The following NRXN1 variants were observed in gnomAD, a reference collection of about 807,000 sequenced individuals.
The protein encoded by NRXN1 is neurexin-1.
Under a neutral mutation model 150.9 loss-of-function variants are expected in NRXN1, and 39 were observed. That is an observed-to-expected ratio of 0.26 (90% CI 0.20 to 0.34). The LOEUF is 0.34. NRXN1 is among the 10% of genes least tolerant of loss of function. NRXN1 has a pLI of 1.00. For missense variants in NRXN1, 1,815 were observed against 1,949.9 expected, an observed-to-expected ratio of 0.93 and a Z score of 1.30; for synonymous variants, 924 against 757.0, an observed-to-expected ratio of 1.22 and a Z score of -3.62.
chr2:50,899,018 C>A (rs568657253), intron 5 of NRXN1, among the ~76,000 whole-genome samples: 21 of 152,158 alleles, frequency 1.4e-4, no homozygotes, highest in Non-Finnish European at 2.8e-4. Context: ...CTTCTGAATG[C>A]AGACACAGCT....
intron 5 of NRXN1, among the ~76,000 whole-genome samples, chr2:50,890,492 GA>G (rs1680888288): frequency 6.6e-6 from 1 of 151,626 alleles, no homozygotes; most frequent in Admixed American, 6.6e-5. Flanking sequence ...GTTTTACTTA[GA>G]TTTTTTTTAA....
intron 13 of NRXN1, among the ~76,000 whole-genome samples, chr2:50,501,568 T>C (rs1383826479): frequency 6.6e-6 from 1 of 152,110 alleles, no homozygotes; most frequent in Non-Finnish European, 1.5e-5. Flanking sequence ...AAGGGAATGA[T>C]GATGCCTGGC....
chr2:49,960,768 T>C (rs1251647196), intron 21 of NRXN1, among the ~76,000 whole-genome samples: 1 of 152,178 alleles, frequency 6.6e-6, no homozygotes, highest in Non-Finnish European at 1.5e-5. Context: ...TATCACATAT[T>C]ACTACCCCAG....
chr2:50,821,144 T>G (rs1171623906), intron 5 of NRXN1, among the ~76,000 whole-genome samples: 2 of 152,092 alleles, frequency 1.3e-5, no homozygotes, highest in Non-Finnish European at 2.9e-5. Flanking sequence ...TAATTAAGAA[T>G]ATGAAGAGTA....
At chr2:50,599,852 G>A (rs1378291205) in intron 8 of NRXN1, among the ~76,000 whole-genome samples, 6 of 152,242 alleles carry the variant, frequency 3.9e-5, no homozygotes, top group Non-Finnish European at 7.4e-5. Flanking sequence ...TACAAAGGGT[G>A]AATAATTGTT....
chr2:50,892,973 G>C (rs1304663978), intron 5 of NRXN1, among the ~76,000 whole-genome samples: 1 of 152,112 alleles, frequency 6.6e-6, no homozygotes, highest in African/African-American at 2.4e-5. Flanking sequence ...GTCAAGGGAG[G>C]GCAGGAAGAT....
chr2:50,237,891 T>C (rs1247701128), intron 17 of NRXN1, among the ~76,000 whole-genome samples: 1 of 152,014 alleles, frequency 6.6e-6, no homozygotes, highest in Non-Finnish European at 1.5e-5. Context: ...GGAGTGGCTT[T>C]GCCCATGCTG....
chr2:50,163,164 G>GTACATATA (rs1553695027), intron 18 of NRXN1, among the ~76,000 whole-genome samples: 1 of 141,754 alleles, frequency 7.1e-6, no homozygotes, highest in Non-Finnish European at 1.5e-5. Flanking sequence ...AATCCAAAAT[G>GTACATATA]TATATATATA....
chr2:50,061,411 A>G (rs1694513622), intron 19 of NRXN1, among the ~76,000 whole-genome samples: 1 of 152,228 alleles, frequency 6.6e-6, no homozygotes, highest in South Asian at 2.1e-4. Flanking sequence ...GTGAATGGTC[A>G]GTGTAAGCAG....
chr2:50,126,995 GA>G (rs1704682579), intron 18 of NRXN1, among the ~76,000 whole-genome samples: 1 of 152,130 alleles, frequency 6.6e-6, no homozygotes, highest in Non-Finnish European at 1.5e-5. Context: ...GAGAGTCACT[GA>G]ACAAGTTATA....
intron 15 of NRXN1, 84 bp from the exon 16 acceptor site, chr2:50,472,555 GTTTA>G (rs1215961985): frequency 4.7e-6 from 5 of 1,062,076 alleles, no homozygotes; most frequent in Non-Finnish European, 6.7e-6. Context: ...AAACAGGGAG[GTTTA>G]TTTTTCATTA....
intron 2 of NRXN1, among the ~76,000 whole-genome samples, chr2:50,951,845 T>C (rs1170862272): frequency 6.6e-6 from 1 of 150,674 alleles, no homozygotes; most frequent in African/African-American, 2.4e-5. Flanking sequence ...ATAGTGATTT[T>C]AAAAATAATA....
chr2:50,135,726 C>A (rs930501194), intron 18 of NRXN1, among the ~76,000 whole-genome samples: 1 of 151,358 alleles, frequency 6.6e-6, no homozygotes, highest in African/African-American at 2.4e-5. Flanking sequence ...CAAAACAAAA[C>A]AAAAAAAGAA....
At position 50,200,866 on chromosome 2, in the gene NRXN1, T is replaced by G. The variant is rs181184652; in HGVS notation, c.3546+35923A>C. On this transcript the variant is annotated intron_variant, in intron 18 of 22. Transcript: ENST00000401669. ...AGGTTGGCAAAACCTTCTCTCGTCT[T>G]CCTATTTCTTTTTTTCATTTTTCTT... 2.6e-5 allele frequency among the ~76,000 whole-genome samples: 4 copies of G among 152,264 alleles called. 1 individual carries two copies. Among genetic ancestry groups the G allele is most frequent in the Admixed American group, 2.6e-4 (4 of 15,288 alleles).
At chr2:50,168,320 C>T (rs1414753911) in intron 18 of NRXN1, among the ~76,000 whole-genome samples, 1 of 152,156 alleles carries the variant, frequency 6.6e-6, no homozygotes, top group African/African-American at 2.4e-5. Flanking sequence ...CTACATTTTA[C>T]ACTAACTTGG....
intron 5 of NRXN1, among the ~76,000 whole-genome samples, chr2:50,755,103 GC>G (rs1031522545): frequency 2.6e-5 from 4 of 151,756 alleles, no homozygotes; most frequent in African/African-American, 9.7e-5. Flanking sequence ...TCATTGATCT[GC>G]CTATTCTCCT....
At chr2:50,128,516 A>G (rs915703603) in intron 18 of NRXN1, among the ~76,000 whole-genome samples, 5 of 152,178 alleles carry the variant, frequency 3.3e-5, no homozygotes, top group Non-Finnish European at 5.9e-5. Flanking sequence ...ATATACACCA[A>G]TGGATTTCCA....
chr2:50,293,547 C>T (rs1447532965), intron 17 of NRXN1, among the ~76,000 whole-genome samples: 2 of 152,122 alleles, frequency 1.3e-5, no homozygotes, highest in Admixed American at 6.5e-5. Context: ...TCGTAGATCC[C>T]TGTCTCCCCT....
intron 17 of NRXN1, among the ~76,000 whole-genome samples, chr2:50,426,871 T>C (rs1194417388): frequency 1.3e-5 from 2 of 152,234 alleles, no homozygotes; most frequent in African/African-American, 4.8e-5. Flanking sequence ...AGTATTTCTT[T>C]AAATTCACAG....
Sources: allele counts gnomAD v4.1 joint callset (sites outside exome capture counted in the v4.1 genomes callset), GRCh38; gene constraint gnomAD v4.1.1; transcripts MANE v1.5; gene names NCBI Gene and HGNC (gene_info 2026-07-23, HGNC 2026-07-21).